The following NBAS variants were observed in gnomAD, a reference collection of about 807,000 sequenced individuals.
The protein encoded by NBAS is NAG/BC035112 fusion.
In NBAS, 219 loss-of-function variants were observed where a neutral mutation model predicts 302.5. The observed-to-expected ratio is 0.72, with a 90% confidence interval of 0.65 to 0.81. The LOEUF (loss-of-function observed/expected upper bound fraction) is 0.81. Ranked by LOEUF, NBAS falls within the 30% of genes least tolerant of loss-of-function variation. The probability of loss-of-function intolerance (pLI) is 0.00; values close to 1 mark genes in which losing one functional copy is unlikely to be tolerated. For synonymous variants in NBAS, 1,118 were observed against 1,021.6 expected, an observed-to-expected ratio of 1.09 and a Z score of -1.80; for missense variants, 2,932 against 2,841.6, an observed-to-expected ratio of 1.03 and a Z score of -0.72.
At chr2:15,050,785 G>A in the NBAS span, among the ~76,000 whole-genome samples, 1 of 152,088 alleles carries the variant, frequency 6.6e-6, no homozygotes. Flanking sequence ...TAATCTGCAC[G>A]CTTGAGCAAG....
chr2:14,902,823 GAGA>G, the NBAS span, among the ~76,000 whole-genome samples: 1 of 152,158 alleles, frequency 6.6e-6, no homozygotes, highest in Non-Finnish European at 1.5e-5. Flanking sequence ...CAGAAAGTCT[GAGA>G]AGAAGGGGTT....
At chr2:15,160,484 A>T in the NBAS span, among the ~76,000 whole-genome samples, 1 of 151,874 alleles carries the variant, frequency 6.6e-6, no homozygotes, top group Non-Finnish European at 1.5e-5. Flanking sequence ...GAGATTTCAG[A>T]CAACTAAAGC....
chr2:15,469,274 G>A (rs1469661508), intron 16 of NBAS, among the ~76,000 whole-genome samples: 2 of 152,120 alleles, frequency 1.3e-5, no homozygotes, highest in Non-Finnish European at 2.9e-5. Context: ...TATTTCTCTA[G>A]TTCTGTAAAT....
At chr2:15,459,496 A>ATTTTTTATTT (rs576706526) in intron 21 of NBAS, among the ~76,000 whole-genome samples, 1 of 73,410 alleles carries the variant, frequency 1.4e-5, no homozygotes, top group African/African-American at 4.8e-5. Flanking sequence ...CATCCTGAGC[A>ATTTTTTATTT]TTTTTTCTTT....
At chr2:14,853,847 T>C in the NBAS span, among the ~76,000 whole-genome samples, 1 of 127,312 alleles carries the variant, frequency 7.9e-6, no homozygotes, top group Admixed American at 8.1e-5. Context: ...CCGCATATTC[T>C]CACTCATAGG....
the NBAS span, among the ~76,000 whole-genome samples, chr2:14,884,974 G>A: frequency 6.6e-6 from 1 of 152,184 alleles, no homozygotes; most frequent in African/African-American, 2.4e-5. Context: ...GACAATGTGA[G>A]ACAAAGGGAG....
chr2:15,561,142 A>C, intron 1 of NBAS, 46 bp downstream of exon 1: 1 of 1,577,008 alleles, frequency 6.3e-7, no homozygotes, highest in Non-Finnish European at 8.7e-7. Context: ...CTACCCACGA[A>C]GCGCCCGCGC....
In NBAS at chr2:15,551,438, G is replaced by A. The variant is rs1202675557; in HGVS notation, c.379+55C>T. Reference sequence around the variant, plus strand: ...TCTATTCTAACTTTTAAGAAACATTGGAAACCATTGCGCATTTGAAATTTT... The same window carrying A: ...TCTATTCTAACTTTTAAGAAACATTAGAAACCATTGCGCATTTGAAATTTT... On this transcript the variant is annotated intron_variant, in intron 6 of 51. Transcript: ENST00000281513. 2.6e-6 allele frequency: 3 copies of A among 1,165,128 alleles called. No homozygotes were observed. The Admixed American group carries it at 5.7e-5, about 22-fold the overall frequency. 72.2% of individuals were successfully genotyped at this position (1,165,128 alleles called of 1,614,324 possible). A position where few individuals can be genotyped will look rare whatever the true frequency, so the allele number is the denominator to read the frequency against.
chr2:14,924,689 T>A, the NBAS span, among the ~76,000 whole-genome samples: 1 of 152,208 alleles, frequency 6.6e-6, no homozygotes, highest in Non-Finnish European at 1.5e-5. Context: ...GCTTCAGTTT[T>A]CATTTTCTCA....
chr2:15,099,007 A>G, the NBAS span, among the ~76,000 whole-genome samples: 1 of 151,876 alleles, frequency 6.6e-6, no homozygotes, highest in African/African-American at 2.4e-5. Flanking sequence ...ACACACATAT[A>G]TCTATATCAA....
chr2:15,232,339 C>T, intron 47 of NBAS, 83 bp downstream of exon 47: 1 of 1,331,768 alleles, frequency 7.5e-7, no homozygotes, highest in Non-Finnish European at 1.1e-6. Flanking sequence ...TCTTGGAAGC[C>T]TCATACATAC....
At chr2:14,783,030 GA>G in the NBAS span, among the ~76,000 whole-genome samples, 2 of 152,020 alleles carry the variant, frequency 1.3e-5, no homozygotes, top group Non-Finnish European at 2.9e-5. Context: ...CCCAGATGAT[GA>G]AAAAATCTGT....
the NBAS span, among the ~76,000 whole-genome samples, chr2:15,099,097 G>T: frequency 8.5e-5 from 13 of 152,218 alleles, no homozygotes; most frequent in African/African-American, 3.1e-4. Context: ...GAAGTCAGGA[G>T]TTTGAGACCA....
intron 40 of NBAS, among the ~76,000 whole-genome samples, chr2:15,301,932 G>A (rs1334463931): frequency 3.3e-5 from 5 of 152,236 alleles, no homozygotes; most frequent in African/African-American, 7.2e-5. Flanking sequence ...CTGGGGCAAC[G>A]GGAGATCCTG....
the NBAS span, among the ~76,000 whole-genome samples, chr2:14,959,704 G>T: frequency 6.6e-6 from 1 of 152,124 alleles, no homozygotes. Context: ...CTTTGTACAT[G>T]CTTGCTCCTT....
chr2:14,857,266 T>G, the NBAS span, among the ~76,000 whole-genome samples: 1 of 152,156 alleles, frequency 6.6e-6, no homozygotes, highest in Non-Finnish European at 1.5e-5. Context: ...ATCTACAGAT[T>G]CAATGCACTT....
chr2:15,488,718 T>A (rs1680736988), intron 12 of NBAS, among the ~76,000 whole-genome samples, 176 bp downstream of exon 12: 1 of 152,100 alleles, frequency 6.6e-6, no homozygotes, highest in African/African-American at 2.4e-5. Flanking sequence ...TAGTCCACAG[T>A]ATTAATCTAT....
intron 8 of NBAS, 51 bp from the exon 9 acceptor site, chr2:15,534,692 T>G: frequency 8.2e-7 from 1 of 1,216,496 alleles, no homozygotes; most frequent in Non-Finnish European, 1.2e-6. Flanking sequence ...CCACAATGAA[T>G]ATCACTAAAT....
At chr2:15,236,319 G>C (rs1667589502) in intron 45 of NBAS, among the ~76,000 whole-genome samples, 1 of 151,942 alleles carries the variant, frequency 6.6e-6, no homozygotes, top group African/African-American at 2.4e-5. Flanking sequence ...AGGCCAAGGT[G>C]GGCGAGTAGC....
Sources: gnomAD v4.1 joint callset for allele counts (sites outside exome capture counted in the v4.1 genomes callset) on GRCh38, gnomAD v4.1.1 for gene constraint, MANE v1.5 for transcripts, NCBI Gene and HGNC (gene_info 2026-07-23, HGNC 2026-07-21) for gene names.